The following ACSM3 variants were observed in gnomAD, a reference collection of about 807,000 sequenced individuals.
ACSM3 encodes the protein acyl-coenzyme A synthetase ACSM3, mitochondrial.
ACSM3 carries 61 observed loss-of-function variants against 74.1 expected under a neutral mutation model. The ratio of observed to expected loss-of-function variants is 0.82; its 90% CI spans 0.67 to 1.02. The LOEUF is 1.02. Ranked by LOEUF, ACSM3 falls within the 50% of genes least tolerant of loss-of-function variation. The pLI is 0.00. For missense variants in ACSM3, 660 were observed against 697.0 expected (o/e 0.95, Z 0.60); for synonymous variants, 213 against 241.5 (o/e 0.88, Z 1.09).
intron 1 of ACSM3, among the ~76,000 whole-genome samples, chr16:20,723,269 A>C (rs1336663695): frequency 3.9e-5 from 6 of 152,084 alleles, no homozygotes; most frequent in Admixed American, 6.5e-5. Flanking sequence ...ACATTTTCTT[A>C]ATCCAGTCTA....
intron 1 of ACSM3, among the ~76,000 whole-genome samples, chr16:20,725,029 A>T (rs938870426): frequency 6.6e-6 from 1 of 152,136 alleles, no homozygotes; most frequent in Non-Finnish European, 1.5e-5. Context: ...TGGAAAAAAC[A>T]ACTTTAAAGT....
intron 1 of ACSM3, chr16:20,679,499 C>A (rs916825304): frequency 3.9e-5 from 6 of 152,184 alleles, no homozygotes; most frequent in African/African-American, 1.4e-4. Flanking sequence ...TCTGTTGTTA[C>A]ATTATTACTG....
intron 1 of ACSM3, chr16:20,733,613 G>C (rs1158823045): frequency 6.6e-6 from 1 of 151,706 alleles, no homozygotes; most frequent in Non-Finnish European, 1.5e-5. Flanking sequence ...ATACTATAAA[G>C]CAAGAGATTT....
intron 7 of ACSM3, among the ~76,000 whole-genome samples, chr16:20,782,658 C>T (rs1041848727): frequency 6.6e-6 from 1 of 152,212 alleles, no homozygotes; most frequent in Non-Finnish European, 1.5e-5. Flanking sequence ...CCACAAGACT[C>T]TTTCCCATCT....
chr16:20,710,331 G>GGGTTGT (rs1425338049), intron 1 of ACSM3, among the ~76,000 whole-genome samples: 4 of 152,034 alleles, frequency 2.6e-5, no homozygotes, highest in Non-Finnish European at 5.9e-5. Flanking sequence ...TAGGCATTTT[G>GGGTTGT]GGTTGTATAA....
intron 1 of ACSM3, among the ~76,000 whole-genome samples, chr16:20,685,850 A>AAAAAAAAAAT (rs2079545011): frequency 6.8e-6 from 1 of 146,466 alleles, no homozygotes. Context: ...AAAAAAACAA[A>AAAAAAAAAAT]AAACTTATAG....
At chr16:20,771,872 TTTTC>T (rs1185231297) in intron 2 of ACSM3, among the ~76,000 whole-genome samples, 1 of 152,218 alleles carries the variant, frequency 6.6e-6, no homozygotes, top group East Asian at 1.9e-4. Flanking sequence ...CAGAGTTCCC[TTTTC>T]TCCACATCCT....
intron 1 of ACSM3, among the ~76,000 whole-genome samples, chr16:20,719,854 T>C (rs1211194153): frequency 6.6e-6 from 1 of 152,208 alleles, no homozygotes; most frequent in Admixed American, 6.5e-5. Context: ...CGTAATACTC[T>C]TCTGGAAATC....
At chr16:20,784,905 A>C in intron 7 of ACSM3, 79 bp from the exon 8 acceptor site, 4 of 1,483,322 alleles carry the variant, frequency 2.7e-6, no homozygotes, top group Non-Finnish European at 3.6e-6. Context: ...TTTATATTGA[A>C]GTTCATAAGA....
At chr16:20,740,175 T>C (rs555349770) in intron 1 of ACSM3, among the ~76,000 whole-genome samples, 1 of 152,318 alleles carries the variant, frequency 6.6e-6, no homozygotes, top group East Asian at 1.9e-4. Context: ...GGCGGATCCC[T>C]TGAGCCTAGG....
At chr16:20,741,481 G>GGA in intron 1 of ACSM3, 2 of 1,308,414 alleles carry the variant, frequency 1.5e-6, no homozygotes, top group Non-Finnish European at 2.0e-6. Flanking sequence ...CTGGCAGCCG[G>GGA]CCCGCCCGCC....
At chr16:20,687,284 A>G (rs1407324003) in intron 1 of ACSM3, among the ~76,000 whole-genome samples, 1 of 152,178 alleles carries the variant, frequency 6.6e-6, no homozygotes, top group Non-Finnish European at 1.5e-5. Context: ...AAAGAGAAAT[A>G]CAATAAAACA....
At chr16:20,724,688 G>A (rs1317102884) in intron 1 of ACSM3, among the ~76,000 whole-genome samples, 1 of 152,076 alleles carries the variant, frequency 6.6e-6, no homozygotes, top group Non-Finnish European at 1.5e-5. Context: ...AAAGTCTCAG[G>A]ATACAAAATC....
chr16:20,694,132 C>T (rs1389560275), intron 1 of ACSM3, among the ~76,000 whole-genome samples: 1 of 152,226 alleles, frequency 6.6e-6, no homozygotes, highest in Non-Finnish European at 1.5e-5. Flanking sequence ...TCACGAGTTA[C>T]TTCCTCTTTC....
At position 20,690,974 on chromosome 16, in the gene ACSM3, C is replaced by T. The variant is rs371646055; in HGVS notation, c.-190+16152C>T. Reference sequence around the variant, plus strand: ...AGTGAGGCCACCCTTGTTCTTATATCGCCATCACGGCAGATCTCTTACCTT... The same window carrying T: ...AGTGAGGCCACCCTTGTTCTTATATTGCCATCACGGCAGATCTCTTACCTT... On this transcript the variant is annotated intron_variant, in intron 1 of 3. Transcript: ENST00000561584. 1.2e-5 allele frequency: 19 copies of T among 1,595,620 alleles called. No homozygotes were observed. In the African/African-American group the frequency reaches 1.8e-4, roughly 15 times the overall value.
intron 1 of ACSM3, among the ~76,000 whole-genome samples, chr16:20,693,148 C>A (rs1187128798): frequency 2.8e-5 from 4 of 142,688 alleles, no homozygotes; most frequent in African/African-American, 1.0e-4. Context: ...GAAGCCTGGG[C>A]AACAGAGCAA....
chr16:20,685,819 CAAA>C (rs71842093), intron 1 of ACSM3, among the ~76,000 whole-genome samples: 1 of 50,190 alleles, frequency 2.0e-5, no homozygotes, highest in South Asian at 8.5e-4. Context: ...GACTCCGTCT[CAAA>C]AAAAAAAAAC....
intron 1 of ACSM3, among the ~76,000 whole-genome samples, chr16:20,708,807 C>A (rs528422726): frequency 7.0e-4 from 106 of 152,260 alleles, no homozygotes; most frequent in African/African-American, 2.5e-3. Context: ...CTCAAATACT[C>A]CAAATATGCT....
intron 2 of ACSM3, among the ~76,000 whole-genome samples, chr16:20,771,948 A>G (rs929879472): frequency 6.6e-6 from 1 of 152,240 alleles, no homozygotes; most frequent in African/African-American, 2.4e-5. Flanking sequence ...GTAAGATCAT[A>G]TCTCATCATG....
Sources: gnomAD v4.1 joint callset for allele counts (sites outside exome capture counted in the v4.1 genomes callset) on GRCh38, gnomAD v4.1.1 for gene constraint, MANE v1.5 for transcripts, NCBI Gene and HGNC (gene_info 2026-07-23, HGNC 2026-07-21) for gene names.